Variants in GRID2 observed in about 807,000 individuals in gnomAD.
GRID2 encodes the protein glutamate receptor ionotropic, delta-2.
Under a neutral mutation model 114.8 loss-of-function variants are expected in GRID2, and 33 were observed. The observed-to-expected ratio is 0.29, with a 90% CI of 0.22 to 0.38. The LOEUF is 0.38. Ranked by LOEUF, GRID2 falls within the 10% of genes least tolerant of loss-of-function variation. GRID2 has a pLI of 1.00. For synonymous variants in GRID2, 505 were observed against 449.9 expected, an observed-to-expected ratio of 1.12 and a Z score of -1.55; for missense variants, 1,184 against 1,257.7, an observed-to-expected ratio of 0.94 and a Z score of 0.89.
intron 1 of GRID2, among the ~76,000 whole-genome samples, chr4:92,476,136 C>T (rs1314723854): frequency 1.3e-5 from 2 of 151,394 alleles, no homozygotes; most frequent in African/African-American, 2.4e-5. Flanking sequence ...CACCATTCTC[C>T]TGCCTCAGCC....
chr4:93,154,739 A>AAAAAAC (rs1290983237), intron 4 of GRID2, among the ~76,000 whole-genome samples: 4 of 151,628 alleles, frequency 2.6e-5, no homozygotes, highest in Non-Finnish European at 5.9e-5. Context: ...ATTCGTGGCA[A>AAAAAAC]AAAAACAAAA....
intron 13 of GRID2, among the ~76,000 whole-genome samples, chr4:93,591,233 A>G (rs1401705397): frequency 1.3e-4 from 20 of 151,622 alleles, no homozygotes; most frequent in Admixed American, 9.2e-4. Flanking sequence ...ATGTCCCATC[A>G]ATACCTAATT....
At chr4:92,954,611 CT>C (rs879663913) in intron 2 of GRID2, among the ~76,000 whole-genome samples, 41 of 143,100 alleles carry the variant, frequency 2.9e-4, no homozygotes, top group African/African-American at 7.4e-4. Context: ...TTTTAATTTT[CT>C]TTTTTTTTTA....
intron 2 of GRID2, chr4:92,822,577 G>A (rs1741362638): frequency 4.0e-6 from 1 of 250,038 alleles, no homozygotes; most frequent in Non-Finnish European, 8.0e-6. Context: ...ACAATCTACA[G>A]GTTGTCAATG....
At chr4:93,328,483 C>T (rs753434528) in intron 8 of GRID2, among the ~76,000 whole-genome samples, 1 of 152,168 alleles carries the variant, frequency 6.6e-6, no homozygotes, top group Non-Finnish European at 1.5e-5. Context: ...CCTTATAACA[C>T]TATCTAAAAT....
intron 2 of GRID2, among the ~76,000 whole-genome samples, chr4:93,010,980 T>C (rs1722072317): frequency 6.6e-6 from 1 of 152,034 alleles, no homozygotes; most frequent in African/African-American, 2.4e-5. Flanking sequence ...TTTGTTTTTC[T>C]TTTTCTTCTC....
intron 2 of GRID2, among the ~76,000 whole-genome samples, chr4:93,042,012 C>T (rs1725560768): frequency 6.6e-6 from 1 of 152,026 alleles, no homozygotes; most frequent in African/African-American, 2.4e-5. Context: ...ACACCATTCT[C>T]CTGCCTCAGC....
chr4:92,473,430 A>G (rs1410499836), intron 1 of GRID2, among the ~76,000 whole-genome samples: 1 of 152,046 alleles, frequency 6.6e-6, no homozygotes, highest in African/African-American at 2.4e-5. Flanking sequence ...GACTTAGTGC[A>G]CTAGGCAATA....
intron 12 of GRID2, among the ~76,000 whole-genome samples, chr4:93,501,222 A>C (rs1436100103): frequency 6.6e-6 from 1 of 152,064 alleles, no homozygotes; most frequent in Non-Finnish European, 1.5e-5. Context: ...TTGTCCTATT[A>C]TTCCAGGATA....
chr4:93,770,437 T>C (rs1324961324), intron 15 of GRID2, among the ~76,000 whole-genome samples: 1 of 152,250 alleles, frequency 6.6e-6, no homozygotes, highest in Non-Finnish European at 1.5e-5. Flanking sequence ...TATGAATTGT[T>C]GCACATTAAT....
At chr4:93,522,097 G>A (rs962481559) in intron 13 of GRID2, among the ~76,000 whole-genome samples, 2 of 152,114 alleles carry the variant, frequency 1.3e-5, no homozygotes, top group African/African-American at 2.4e-5. Flanking sequence ...ATAAGTTATG[G>A]CATCTTAGTG....
chr4:93,068,685 C>A (rs1237517519), intron 2 of GRID2, among the ~76,000 whole-genome samples: 1 of 128,250 alleles, frequency 7.8e-6, no homozygotes, highest in Non-Finnish European at 1.7e-5. Context: ...AGTAGCCTTT[C>A]CTATTTACAA....
At chr4:92,989,360 A>G (rs947575267) in intron 2 of GRID2, among the ~76,000 whole-genome samples, 1 of 151,334 alleles carries the variant, frequency 6.6e-6, no homozygotes, top group Admixed American at 6.6e-5. Context: ...GTGTGTGTAT[A>G]TATGTATATG....
At chr4:93,611,824 A>G (rs1479419863) in intron 13 of GRID2, among the ~76,000 whole-genome samples, 5 of 151,632 alleles carry the variant, frequency 3.3e-5, no homozygotes, top group East Asian at 1.9e-4. Context: ...GTAGATGTCT[A>G]TTAGGTCCCC....
intron 4 of GRID2, among the ~76,000 whole-genome samples, chr4:93,124,334 G>A (rs1380737627): frequency 6.6e-6 from 1 of 152,144 alleles, no homozygotes; most frequent in Non-Finnish European, 1.5e-5. Context: ...GAAGCCAGGA[G>A]AATAGTGAGC....
chr4:92,469,323 C>A (rs1055954871), intron 1 of GRID2, among the ~76,000 whole-genome samples: 1 of 152,018 alleles, frequency 6.6e-6, no homozygotes, highest in African/African-American at 2.4e-5. Context: ...ATATAGTTGT[C>A]CCTCAGTATC....
intron 8 of GRID2, among the ~76,000 whole-genome samples, chr4:93,368,434 G>A (rs1335292241): frequency 6.6e-6 from 1 of 151,426 alleles, no homozygotes; most frequent in Non-Finnish European, 1.5e-5. Flanking sequence ...TTAAGTTTTA[G>A]GGTACATGTG....
intron 1 of GRID2, among the ~76,000 whole-genome samples, chr4:92,326,391 G>C (rs1292310034): frequency 6.6e-6 from 1 of 151,760 alleles, no homozygotes; most frequent in East Asian, 1.9e-4. Flanking sequence ...GTATTTCTAT[G>C]GTGTATAAAG....
At chr4:93,348,280 GA>G (rs1203278409) in intron 8 of GRID2, among the ~76,000 whole-genome samples, 2 of 152,052 alleles carry the variant, frequency 1.3e-5, no homozygotes, top group African/African-American at 4.8e-5. Flanking sequence ...ACATGTTATT[GA>G]AGGTAATATC....
Sources: gnomAD v4.1 joint callset for allele counts (sites outside exome capture counted in the v4.1 genomes callset) on GRCh38, gnomAD v4.1.1 for gene constraint, MANE v1.5 for transcripts, NCBI Gene and HGNC (gene_info 2026-07-23, HGNC 2026-07-21) for gene names.